Variants in CXADR observed in about 807,000 individuals in gnomAD.
CXADR encodes coxsackievirus and adenovirus receptor.
CXADR carries 20 observed loss-of-function variants against 40.3 expected under a neutral mutation model. That is an observed-to-expected ratio of 0.50 (90% CI 0.35 to 0.72). The LOEUF is 0.72. Among genes scored for constraint, CXADR ranks in the 30% least tolerant of loss-of-function variants. CXADR has a pLI of 0.01. For missense variants in CXADR, 332 were observed against 449.1 expected (o/e 0.74, Z 2.36); for synonymous variants, 150 against 161.3 (o/e 0.93, Z 0.53).
intron 7 of CXADR, among the ~76,000 whole-genome samples, chr21:17,582,571 A>T (rs1442710052): frequency 6.6e-6 from 1 of 152,218 alleles, no homozygotes; most frequent in African/African-American, 2.4e-5. Flanking sequence ...AGCAGATGTC[A>T]GAGTTCTGAA....
At chr21:17,515,922 T>C (rs891273983) in intron 1 of CXADR, among the ~76,000 whole-genome samples, 1 of 152,234 alleles carries the variant, frequency 6.6e-6, no homozygotes, top group African/African-American at 2.4e-5. Flanking sequence ...CCGTCAGTGA[T>C]AGATATTCCT....
At chr21:17,544,445 A>G (rs551518966) in intron 1 of CXADR, among the ~76,000 whole-genome samples, 11 of 152,344 alleles carry the variant, frequency 7.2e-5, no homozygotes, top group Admixed American at 2.6e-4. Context: ...GCTTAAAACA[A>G]AAATCATGTA....
At chr21:17,609,058 C>A in the CXADR span, 4 of 1,614,048 alleles carry the variant, frequency 2.5e-6, no homozygotes, top group Non-Finnish European at 3.4e-6. Context: ...TCTCAGCAAA[C>A]CTCTCAACTG....
chr21:17,557,200 G>A (rs1601014293), intron 3 of CXADR, among the ~76,000 whole-genome samples: 1 of 152,158 alleles, frequency 6.6e-6, no homozygotes, highest in African/African-American at 2.4e-5. Flanking sequence ...CAGCCACAGA[G>A]TTTATAGAAA....
chr21:17,610,581 T>A, the CXADR span, among the ~76,000 whole-genome samples: 1 of 152,222 alleles, frequency 6.6e-6, no homozygotes, highest in Non-Finnish European at 1.5e-5. Context: ...TATCATTGAT[T>A]AATCCTTAAG....
At chr21:17,560,540 C>A (rs2061102999) in intron 4 of CXADR, among the ~76,000 whole-genome samples, 162 bp from the exon 5 acceptor site, 1 of 152,210 alleles carries the variant, frequency 6.6e-6, no homozygotes, top group Non-Finnish European at 1.5e-5. Context: ...TGATTGAATT[C>A]TGGAAACATC....
At chr21:17,542,900 G>A (rs2824341) in intron 1 of CXADR, 43,517 of 175,110 alleles carry the variant, frequency 0.25, 6,170 homozygotes, top group African/African-American at 0.39. Flanking sequence ...TTTGTCTTAT[G>A]TAATTTGTGT....
chr21:17,537,004 C>T (rs1256837406), intron 1 of CXADR, among the ~76,000 whole-genome samples: 3 of 152,098 alleles, frequency 2.0e-5, no homozygotes, highest in Admixed American at 6.5e-5. Flanking sequence ...ATGATCCGCC[C>T]GTCTCAGCCT....
At chr21:17,533,313 A>G (rs987348939) in intron 1 of CXADR, among the ~76,000 whole-genome samples, 1 of 152,246 alleles carries the variant, frequency 6.6e-6, no homozygotes, top group African/African-American at 2.4e-5. Flanking sequence ...GCCACCTAAA[A>G]TGCTACTAGA....
At chr21:17,520,030 A>T (rs1372576253) in intron 1 of CXADR, among the ~76,000 whole-genome samples, 1 of 151,996 alleles carries the variant, frequency 6.6e-6, no homozygotes, top group East Asian at 1.9e-4. Context: ...TATATAAAAT[A>T]TATATTTGCA....
At chr21:17,543,474 TCTAAAAACAC>T (rs1318332751) in intron 1 of CXADR, among the ~76,000 whole-genome samples, 1 of 152,222 alleles carries the variant, frequency 6.6e-6, no homozygotes, top group Non-Finnish European at 1.5e-5. Context: ...AAATGAAAAC[TCTAAAAACAC>T]ACAGTAACCC....
At chr21:17,612,156 T>A in the CXADR span, 1 of 152,352 alleles carries the variant, frequency 6.6e-6, no homozygotes, top group Non-Finnish European at 1.5e-5. Flanking sequence ...GCCCAACTTC[T>A]GCAATCCCGG....
At chr21:17,530,253 C>A (rs2060655672) in intron 1 of CXADR, 1 of 273,330 alleles carries the variant, frequency 3.7e-6, no homozygotes, top group Non-Finnish European at 7.2e-6. Flanking sequence ...GCGTGAGCCA[C>A]TGGGCCCGGC....
downstream of CXADR, among the ~76,000 whole-genome samples, chr21:17,574,844 T>C (rs2061307244): frequency 1.3e-5 from 2 of 152,128 alleles, no homozygotes; most frequent in African/African-American, 4.8e-5. Context: ...TACCTAGATG[T>C]ATCTGGAGTA....
At chr21:17,631,257 C>T in the CXADR span, among the ~76,000 whole-genome samples, 103 of 152,194 alleles carry the variant, frequency 6.8e-4, no homozygotes, top group African/African-American at 2.2e-3. Context: ...TAAATAGGTT[C>T]ATGTAGTTTT....
At chr21:17,608,936 T>C in the CXADR span, 1 of 1,588,756 alleles carries the variant, frequency 6.3e-7, no homozygotes, top group Non-Finnish European at 8.6e-7. Flanking sequence ...CCTCAGGGGT[T>C]GATCAGCCTC....
chr21:17,520,002 T>C (rs1424557298), intron 1 of CXADR, among the ~76,000 whole-genome samples: 1 of 151,722 alleles, frequency 6.6e-6, no homozygotes, highest in East Asian at 1.9e-4. Context: ...CGCACGCACA[T>C]GCACACACAC....
intron 1 of CXADR, among the ~76,000 whole-genome samples, chr21:17,546,569 CT>C (rs1257133467): frequency 6.6e-6 from 1 of 152,160 alleles, no homozygotes; most frequent in Non-Finnish European, 1.5e-5. Flanking sequence ...TGAGAACTCA[CT>C]CACTATCAGC....
intron 1 of CXADR, among the ~76,000 whole-genome samples, chr21:17,525,676 A>G (rs2060589813): frequency 6.6e-6 from 1 of 152,242 alleles, no homozygotes; most frequent in South Asian, 2.1e-4. Context: ...TACAGTGGAA[A>G]TCTGATACTT....
Sources: allele counts gnomAD v4.1 joint callset (sites outside exome capture counted in the v4.1 genomes callset), GRCh38; gene constraint gnomAD v4.1.1; transcripts MANE v1.5; gene names NCBI Gene and HGNC (gene_info 2026-07-23, HGNC 2026-07-21).